FNIP2: variants seen among roughly 807,000 people sequenced by gnomAD.
FNIP2 encodes the protein folliculin interacting protein 2, also known as folliculin-interacting protein 2.
Under a neutral mutation model 108.7 loss-of-function variants are expected in FNIP2, and 32 were observed. The ratio of observed to expected loss-of-function variants is 0.29; its 90% CI spans 0.22 to 0.40. FNIP2 has a LOEUF of 0.40. FNIP2 is among the 10% of genes least tolerant of loss of function. The pLI is 1.00. For missense variants in FNIP2, 1,202 were observed against 1,381.6 expected (o/e 0.87, Z 2.06); for synonymous variants, 480 against 496.7 (o/e 0.97, Z 0.45).
chr4:158,815,989 A>G (rs962135738), intron 1 of FNIP2, among the ~76,000 whole-genome samples: 1 of 152,080 alleles, frequency 6.6e-6, no homozygotes, highest in Non-Finnish European at 1.5e-5. Context: ...TGCAGTCATT[A>G]CCTTTTTGTA....
chr4:158,814,206 T>C (rs1465703846), intron 1 of FNIP2, among the ~76,000 whole-genome samples: 3 of 152,234 alleles, frequency 2.0e-5, no homozygotes, highest in Non-Finnish European at 4.4e-5. Context: ...AAGAGAATGT[T>C]ATCCTAACTT....
rs548525336 is a variant in FNIP2, at chr4:158,780,488, C to T, written c.107+11169C>T. Among the ~76,000 whole-genome samples the T allele has an allele frequency of 4.6e-5, 7 of 152,268 alleles. No homozygotes were observed. The East Asian group carries it at 9.6e-4, about 21-fold the overall frequency. ...AGAGCTTTTTACTTAAATCATTTCA[C>T]GCATGTCTCATAGTTATCCTTTGAT... On this transcript the variant is annotated intron_variant, in intron 1 of 16. Coordinates refer to ENST00000264433, the MANE Select transcript of FNIP2 (RefSeq NM_020840.3).
chr4:158,835,747 C>T (rs1291043045), intron 7 of FNIP2: 3 of 268,878 alleles, frequency 1.1e-5, no homozygotes, highest in African/African-American at 6.6e-5. Flanking sequence ...TTCCTTGAGC[C>T]CATTGTACTA....
chr4:158,812,898 C>T (rs76589889), intron 1 of FNIP2, among the ~76,000 whole-genome samples: 6,913 of 151,116 alleles, frequency 0.046, 402 homozygotes, highest in African/African-American at 0.14. Flanking sequence ...TCATCCTTCC[C>T]TCCCTCTCTA....
At chr4:158,829,637 A>G (rs943380423) in intron 3 of FNIP2, among the ~76,000 whole-genome samples, 13 of 152,220 alleles carry the variant, frequency 8.5e-5, no homozygotes, top group Admixed American at 7.2e-4. Context: ...GTATGGGAAC[A>G]GAAAGAAATG....
intron 12 of FNIP2, among the ~76,000 whole-genome samples, chr4:158,867,698 A>G (rs12642474): frequency 0.068 from 10,420 of 152,308 alleles, 473 homozygotes; most frequent in African/African-American, 0.13. Context: ...CCAAGGCCCA[A>G]TGTCCTGGGA....
At chr4:158,840,674 G>A (rs992958942) in intron 7 of FNIP2, among the ~76,000 whole-genome samples, 14 of 152,282 alleles carry the variant, frequency 9.2e-5, no homozygotes, top group African/African-American at 2.9e-4. Context: ...GGGATTACAG[G>A]TGTGAGCCAC....
At chr4:158,794,024 T>C (rs920700520) in intron 1 of FNIP2, among the ~76,000 whole-genome samples, 1 of 152,218 alleles carries the variant, frequency 6.6e-6, no homozygotes, top group Admixed American at 6.5e-5. Flanking sequence ...AAAATTCACA[T>C]TGGATTTTGA....
At chr4:158,869,766 G>T (rs536130226) in intron 13 of FNIP2, among the ~76,000 whole-genome samples, 1 of 152,208 alleles carries the variant, frequency 6.6e-6, no homozygotes, top group Non-Finnish European at 1.5e-5. Context: ...GAGAAGGTCC[G>T]TGGCTGGCAG....
chr4:158,842,098 A>G (rs1386238789), intron 7 of FNIP2, among the ~76,000 whole-genome samples: 1 of 152,036 alleles, frequency 6.6e-6, no homozygotes, highest in African/African-American at 2.4e-5. Context: ...ATTTCTTTAT[A>G]TTTCTCCTAT....
At chr4:158,857,246 A>G (rs1780036609) in intron 8 of FNIP2, among the ~76,000 whole-genome samples, 1 of 152,244 alleles carries the variant, frequency 6.6e-6, no homozygotes, top group Admixed American at 6.5e-5. Flanking sequence ...ATGTAAGATG[A>G]CAGACAAAGT....
rs1333962844 is a variant in FNIP2, at chr4:158,907,842, C to T, written c.*3298C>T. On this transcript the variant is annotated 3_prime_UTR_variant, in exon 17 of 17. Coordinates refer to ENST00000264433, the MANE Select transcript of FNIP2 (RefSeq NM_020840.3). ...ATCTTGAAAGTGAGATTGCAATATGCTTAAACTTAAGTGGTATTTCAAAAA... is the reference window on the plus strand; with the variant it reads ...ATCTTGAAAGTGAGATTGCAATATGTTTAAACTTAAGTGGTATTTCAAAAA... 6.6e-6 allele frequency: 1 copy of T among 152,126 alleles called. No individual in the cohort carries two copies. The highest frequency in any genetic ancestry group is 1.9e-4 in the East Asian group (1 of 5,198). The allele number at this position is 152,126 out of a possible 1,614,324, so 9.4% of individuals were successfully genotyped here.
At chr4:158,791,517 A>G (rs563153854) in intron 1 of FNIP2, among the ~76,000 whole-genome samples, 44 of 152,052 alleles carry the variant, frequency 2.9e-4, no homozygotes, top group Middle Eastern at 3.4e-3. Flanking sequence ...CCTGACCTCA[A>G]GTGATCCACT....
rs1261545921 is a variant in FNIP2 at position 158,866,218 on chromosome 4, A to ATTTTTTTTTTTT, written c.1466-1882_1466-1881insTTTTTTTTTTTT. Among the ~76,000 whole-genome samples the ATTTTTTTTTTTT allele has an allele frequency of 5.5e-3, 68 of 12,316 alleles. 1 individual carries two copies. The highest frequency in any genetic ancestry group is 7.5e-3 in the Non-Finnish European group (39 of 5,182). 8.1% of individuals were successfully genotyped at this position (12,316 alleles called of 152,430 possible). A position where few individuals can be genotyped will look rare whatever the true frequency, so the allele number is the denominator to read the frequency against. ...TTTGATTTGTTCCAATATTCTGGTT[A>ATTTTTTTTTTTT]TTCTTTTTTTTTTTTTTTGAGACAG... On this transcript the variant is annotated intron_variant, in intron 12 of 16. Transcript: ENST00000264433.
chr4:158,883,471 G>C (rs1226322390), intron 14 of FNIP2, among the ~76,000 whole-genome samples: 1 of 152,182 alleles, frequency 6.6e-6, no homozygotes, highest in Non-Finnish European at 1.5e-5. Flanking sequence ...TCGATCTCCT[G>C]ACCTTGTGAT....
intron 13 of FNIP2, among the ~76,000 whole-genome samples, chr4:158,870,079 G>A (rs1037688548): frequency 2.6e-5 from 4 of 152,086 alleles, no homozygotes; most frequent in African/African-American, 7.2e-5. Flanking sequence ...TGTCCAATAT[G>A]AGGTACAAAA....
intron 14 of FNIP2, among the ~76,000 whole-genome samples, chr4:158,890,597 A>G (rs1782229895): frequency 1.3e-5 from 2 of 152,228 alleles, no homozygotes; most frequent in South Asian, 4.1e-4. Context: ...GCAAAGCTGT[A>G]TATCTCTTTG....
chr4:158,899,803 G>A (rs1321862107), intron 16 of FNIP2, among the ~76,000 whole-genome samples: 1 of 152,080 alleles, frequency 6.6e-6, no homozygotes, highest in African/African-American at 2.4e-5. Context: ...ACCAGCTCCT[G>A]GATTCATTGA....
intron 8 of FNIP2, among the ~76,000 whole-genome samples, chr4:158,853,215 G>C (rs1779796544): frequency 6.6e-6 from 1 of 152,074 alleles, no homozygotes; most frequent in Non-Finnish European, 1.5e-5. Flanking sequence ...AAAGTTTATA[G>C]TTTTAGCAAC....
Sources: gnomAD v4.1 joint callset for allele counts (sites outside exome capture counted in the v4.1 genomes callset) on GRCh38, gnomAD v4.1.1 for gene constraint, MANE v1.5 for transcripts, NCBI Gene and HGNC (gene_info 2026-07-23, HGNC 2026-07-21) for gene names.